PAFAH1B1: variants seen among roughly 807,000 people sequenced by gnomAD.
PAFAH1B1 encodes the protein platelet activating factor acetylhydrolase 1b regulatory subunit 1, also known as platelet-activating factor acetylhydrolase IB subunit beta.
Under a neutral mutation model 57.5 loss-of-function variants are expected in PAFAH1B1, and 2 were observed. The ratio of observed to expected loss-of-function variants is 0.03; its 90% CI spans 0.01 to 0.11. PAFAH1B1 has a LOEUF of 0.11. Ranked by LOEUF, PAFAH1B1 falls within the 10% of genes least tolerant of loss-of-function variation. The pLI is 1.00. For synonymous variants in PAFAH1B1, 152 were observed against 169.6 expected (o/e 0.90, Z 0.81); for missense variants, 257 against 512.0 (o/e 0.50, Z 4.81).
chr17:2,633,943 A>G (rs944852225), intron 1 of PAFAH1B1, among the ~76,000 whole-genome samples: 1 of 148,532 alleles, frequency 6.7e-6, no homozygotes, highest in Non-Finnish European at 1.5e-5. Flanking sequence ...AAACATTTCT[A>G]AATAAAAAGT....
At chr17:2,641,070 C>T (rs1021951273) in intron 2 of PAFAH1B1, 1 of 152,244 alleles carries the variant, frequency 6.6e-6, no homozygotes, top group African/African-American at 2.4e-5. Context: ...TTCCACACTA[C>T]AGGCAGCACT....
At chr17:2,651,071 T>C (rs2068843140) in intron 2 of PAFAH1B1, among the ~76,000 whole-genome samples, 1 of 152,200 alleles carries the variant, frequency 6.6e-6, no homozygotes, top group South Asian at 2.1e-4. Context: ...TAGTAATGTC[T>C]AAGCCATCTG....
intron 1 of PAFAH1B1, among the ~76,000 whole-genome samples, chr17:2,634,970 C>T (rs1424767621): frequency 6.6e-6 from 1 of 152,092 alleles, no homozygotes; most frequent in Non-Finnish European, 1.5e-5. Context: ...TGAGACCAGC[C>T]TGGCCAACAT....
At chr17:2,593,463 G>A (rs1209699578), upstream of PAFAH1B1, 1 of 153,092 alleles carries the variant, frequency 6.5e-6, no homozygotes, top group Non-Finnish European at 1.5e-5. Context: ...CCCGCCGGCC[G>A]GGTGGCACCG....
At chr17:2,652,319 G>A (rs544261940) in intron 2 of PAFAH1B1, among the ~76,000 whole-genome samples, 34 of 152,326 alleles carry the variant, frequency 2.2e-4, no homozygotes, top group Middle Eastern at 3.4e-3. Context: ...GGAGGCTGAG[G>A]CAGGAGAATG....
chr17:2,605,050 AGAT>A (rs1239287919), intron 1 of PAFAH1B1, among the ~76,000 whole-genome samples: 1 of 152,198 alleles, frequency 6.6e-6, no homozygotes, highest in Admixed American at 6.5e-5. Context: ...AAGCATTATG[AGAT>A]GATGTATATT....
rs2069458222 is a variant in PAFAH1B1 at position 2,685,310 on chromosome 17, A to G, written c.*3508A>G. The G allele has an allele frequency of 6.6e-6, 1 of 152,662 alleles. No homozygotes were observed. The allele number at this position is 152,662 out of a possible 1,614,324, so 9.5% of individuals were successfully genotyped here. The stretch of plus-strand genomic sequence containing the variant: ...CCCTAAAGCTCACTCTGAAGATGTT[A>G]GAGACAAACACAAACTCTTCGAGTT... On this transcript the variant is annotated 3_prime_UTR_variant, in exon 11 of 11. Coordinates refer to ENST00000397195, the MANE Select transcript of PAFAH1B1 (RefSeq NM_000430.4).
intron 1 of PAFAH1B1, among the ~76,000 whole-genome samples, chr17:2,599,589 T>A (rs1479745743): frequency 6.6e-6 from 1 of 152,210 alleles, no homozygotes; most frequent in Non-Finnish European, 1.5e-5. Context: ...AAAGGAAATG[T>A]GCTATCCTAA....
rs1011291232 is a variant in PAFAH1B1 at position 2,613,026 on chromosome 17, ATAAAT to A, written c.-191+19024_-191+19028del. On this transcript the variant is annotated intron_variant, in intron 1 of 10. Transcript: ENST00000397195. ...AAAATAATTTTATAAAATCCATTTG[ATAAAT>A]TAATAATTTGTAAAAAAAAAAAAAA... 2.4e-4 allele frequency among the ~76,000 whole-genome samples: 34 copies of A among 142,124 alleles called. No homozygotes were observed. In the East Asian group the frequency reaches 5.1e-3, roughly 21 times the overall value. The allele number at this position is 142,124 out of a possible 152,430, so 93.2% of individuals were successfully genotyped here. A position where few individuals can be genotyped will look rare whatever the true frequency, so the allele number is the denominator to read the frequency against.
At chr17:2,594,064 T>C in intron 1 of PAFAH1B1, 58 bp downstream of exon 1, 1 of 396,098 alleles carries the variant, frequency 2.5e-6, no homozygotes, top group South Asian at 1.3e-4. Context: ...CCCGGGCGGC[T>C]GCAGGCCGGA....
intron 2 of PAFAH1B1, chr17:2,640,244 C>T (rs2068677783): frequency 6.6e-6 from 1 of 152,068 alleles, no homozygotes; most frequent in South Asian, 2.1e-4. Flanking sequence ...CCAGTTTTAT[C>T]AGTTGATTCC....
At chr17:2,613,568 G>A (rs752592121) in intron 1 of PAFAH1B1, 26 of 276,010 alleles carry the variant, frequency 9.4e-5, no homozygotes, top group East Asian at 1.6e-4. Flanking sequence ...CTTCAACCCC[G>A]TGGTGGTCAG....
At chr17:2,623,112 T>C (rs2068444967) in intron 1 of PAFAH1B1, among the ~76,000 whole-genome samples, 1 of 152,168 alleles carries the variant, frequency 6.6e-6, no homozygotes, top group Admixed American at 6.5e-5. Context: ...TCCAGGCCTG[T>C]GATGGGAGGG....
intron 2 of PAFAH1B1, among the ~76,000 whole-genome samples, chr17:2,660,099 T>TA (rs1555525681): frequency 6.6e-6 from 1 of 152,132 alleles, no homozygotes; most frequent in Non-Finnish European, 1.5e-5. Flanking sequence ...TCTTTTGTGT[T>TA]ACCTTCCCAG....
intron 1 of PAFAH1B1, among the ~76,000 whole-genome samples, chr17:2,597,940 T>A (rs1024113296): frequency 1.3e-5 from 2 of 151,958 alleles, no homozygotes; most frequent in Non-Finnish European, 2.9e-5. Context: ...CTATAGAAAT[T>A]GTCAACATTA....
chr17:2,594,855 C>T (rs1350597660), intron 1 of PAFAH1B1, among the ~76,000 whole-genome samples: 2 of 152,222 alleles, frequency 1.3e-5, no homozygotes, highest in Non-Finnish European at 2.9e-5. Flanking sequence ...CTTTAGCCTC[C>T]CACATGAGAA....
intron 7 of PAFAH1B1, chr17:2,673,682 C>T (rs1364917309): frequency 9.2e-6 from 2 of 218,056 alleles, no homozygotes; most frequent in African/African-American, 2.3e-5. Flanking sequence ...GCTGGTATAC[C>T]TCTGTTAGGC....
chr17:2,616,672 C>G (rs570765351), intron 1 of PAFAH1B1, among the ~76,000 whole-genome samples: 82 of 152,262 alleles, frequency 5.4e-4, no homozygotes, highest in African/African-American at 1.8e-3. Context: ...ATTGTTTGAT[C>G]AAATATACTG....
At chr17:2,681,696 G>C (rs2069387100) in intron 10 of PAFAH1B1, 33 bp from the exon 11 acceptor site, 1 of 1,555,442 alleles carries the variant, frequency 6.4e-7, no homozygotes, top group African/African-American at 1.4e-5. Flanking sequence ...GCTTACGTGT[G>C]AGTTTTAAAT....
Sources: allele counts gnomAD v4.1 joint callset (sites outside exome capture counted in the v4.1 genomes callset), GRCh38; gene constraint gnomAD v4.1.1; transcripts MANE v1.5; gene names NCBI Gene and HGNC (gene_info 2026-07-23, HGNC 2026-07-21).